MARS2: variants seen among roughly 807,000 people sequenced by gnomAD.
The protein encoded by MARS2 is methionyl-tRNA synthetase 2, mitochondrial, also known as methionine--tRNA ligase, mitochondrial.
MARS2 carries 33 observed loss-of-function variants against 43.8 expected under a neutral mutation model. The observed-to-expected ratio is 0.75, with a 90% confidence interval of 0.57 to 1.01. The LOEUF is 1.01. Among genes scored for constraint, MARS2 ranks in the 50% least tolerant of loss-of-function variants. The pLI is 0.00. For missense variants in MARS2, 720 were observed against 763.0 expected (o/e 0.94, Z 0.66); for synonymous variants, 351 against 325.5 (o/e 1.08, Z -0.84).
In MARS2 at chr2:197,705,561, C is replaced by T. The variant is rs1574775189; in HGVS notation, c.156C>T (p.Phe52=). ...GCGCCTACTTCACTACACCCATTTT[C>T]TACGTGAACGCGGCGCCGCACATCG... The part of the protein sequence containing the change: ...DVRAYFTTPI[F]YVNAAPHIGH... The change falls in exon 1 of 1, where the codon TTC becomes TTT. Residue 52 remains phenylalanine (F), a synonymous_variant. Coordinates refer to ENST00000282276, the MANE Select transcript of MARS2 (RefSeq NM_138395.4). 1 of 1,613,354 alleles carries T rather than the reference C, an allele frequency of 6.2e-7. No individual in the cohort carries two copies. The highest frequency in any genetic ancestry group is 8.5e-7 in the Non-Finnish European group (1 of 1,179,994).
rs1485677343 is a variant in MARS2, at chr2:197,707,939, T to G, written c.*752T>G. On this transcript the variant is annotated 3_prime_UTR_variant, in exon 1 of 1. Transcript: ENST00000282276. ...ATAAGGGATAGCTTTGCAACCACTATTGTTTTAATGGAAAGCAAAAAACCC... is the reference window on the plus strand; with the variant it reads ...ATAAGGGATAGCTTTGCAACCACTAGTGTTTTAATGGAAAGCAAAAAACCC... The G allele has an allele frequency of 6.0e-6, 1 of 167,202 alleles. No homozygotes were observed. Among genetic ancestry groups the G allele is most frequent in the Non-Finnish European group, 1.5e-5 (1 of 68,126 alleles). The allele number at this position is 167,202 out of a possible 1,614,324, so 10.4% of individuals were successfully genotyped here. A position where few individuals can be genotyped will look rare whatever the true frequency, so the allele number is the denominator to read the frequency against.
Position 197,706,467 on chromosome 2 carries a change from C to A in MARS2, c.1062C>A (p.Asn354Lys), listed in dbSNP as rs781540079. ...AAAAGATGTCCAAGAGCTTGGGCAACGTGGTGGATCCTAGGACTTGCCTTA... is the reference window on the plus strand; with the variant it reads ...AAAAGATGTCCAAGAGCTTGGGCAAAGTGGTGGATCCTAGGACTTGCCTTA... ...CGQKMSKSLG[N>K]VVDPRTCLNR... Residue 354 changes from asparagine (N) to lysine (K), a missense_variant, in exon 1 of 1, where the codon AAC (asparagine) becomes AAA (lysine). Asn to Lys is a moderately conservative substitution (Grantham distance 94). Transcript: ENST00000282276. The A allele has an allele frequency of 3.7e-6, 6 of 1,613,746 alleles. No homozygotes were observed. Among genetic ancestry groups the A allele is most frequent in the Non-Finnish European group, 5.1e-6 (6 of 1,180,038 alleles).
At position 197,705,855 on chromosome 2, in the gene MARS2, C is replaced by T. The variant is rs2089470206; in HGVS notation, c.450C>T (p.Phe150=). The T allele has an allele frequency of 1.2e-6, 2 of 1,613,970 alleles. No homozygotes were observed. Among genetic ancestry groups the T allele is most frequent in the Admixed American group, 1.7e-5 (1 of 60,024 alleles). The change falls in exon 1 of 1, where the codon TTC becomes TTT. Residue 150 remains phenylalanine, a synonymous_variant. Transcript: ENST00000282276. ...GGCACCGGGTGGCTGTGCAGCACTT[C>T]TGGGGGGTGCTTAAGTCCCGCGGTC... ...EARHRVAVQH[F]WGVLKSRGLL...
Position 197,706,973 on chromosome 2 carries a change from T to A in MARS2, c.1568T>A (p.Leu523Ter). 2 of 1,614,178 alleles carry A rather than the reference T, an allele frequency of 1.2e-6. No individual in the cohort carries two copies. Among genetic ancestry groups the A allele is most frequent in the Non-Finnish European group, 1.7e-6 (2 of 1,180,036 alleles). Residue 523 changes from leucine to a stop codon, truncating the protein, a stop_gained, in exon 1 of 1, where the codon TTG becomes TAG. Transcript: ENST00000282276. LOFTEE classifies it high-confidence loss of function. The part of the protein sequence containing the change: ...ALECLRVFGT[L>*]LQPVTPSLAD... Reference sequence around the variant, plus strand: ...GAATGTTTGCGAGTCTTTGGGACTTTGCTGCAGCCTGTCACCCCAAGCCTA... The same window carrying A: ...GAATGTTTGCGAGTCTTTGGGACTTAGCTGCAGCCTGTCACCCCAAGCCTA...
Position 197,707,107 on chromosome 2 carries a change from A to G in MARS2, c.1702A>G (p.Arg568Gly), listed in dbSNP as rs757187021. 8.7e-6 allele frequency: 14 copies of G among 1,613,976 alleles called. No homozygotes were observed. Among genetic ancestry groups the G allele is most frequent in the Non-Finnish European group, 1.2e-5 (14 of 1,180,014 alleles). Residue 568 changes from arginine to glycine, a missense_variant, in exon 1 of 1, where the codon AGG (arginine) becomes GGG (glycine). Arg to Gly is a moderately radical substitution (Grantham distance 125). Transcript: ENST00000282276. ...YGHPCPFEGR[R>G]LGPETGLLFP... is the part of the protein sequence containing the mutation. ...ACATCCATGCCCTTTTGAAGGGAGG[A>G]GGCTGGGACCTGAAACTGGGCTTTT...
At position 197,705,588 on chromosome 2, in the gene MARS2, G is replaced by A; in HGVS notation, c.183G>A (p.Gly61=). The change falls in exon 1 of 1, where the codon GGG becomes GGA. Residue 61 remains glycine (G), a synonymous_variant. Transcript: ENST00000282276. ...ACGTGAACGCGGCGCCGCACATCGG[G>A]CACCTGTACTCGGCACTACTGGCGG... ...IFYVNAAPHI[G]HLYSALLADA... 6.2e-7 allele frequency: 1 copy of A among 1,613,164 alleles called. No individual in the cohort carries two copies.
chr2:197,706,037 A>G lies in MARS2; in HGVS notation c.632A>G (p.Tyr211Cys). The G allele has an allele frequency of 6.2e-7, 1 of 1,614,150 alleles. No individual in the cohort carries two copies. Among genetic ancestry groups the G allele is most frequent in the Non-Finnish European group, 8.5e-7 (1 of 1,180,036 alleles). The change falls in exon 1 of 1, where the codon TAC becomes TGC. Residue 211 changes from tyrosine to cysteine, a missense_variant. Coordinates refer to ENST00000282276, the MANE Select transcript of MARS2 (RefSeq NM_138395.4). Reference protein sequence around the residue: ...HPVSWTKEENYIFRLSQFRKP... With the variant: ...HPVSWTKEENCIFRLSQFRKP... ...GTCTCCTGGACCAAGGAAGAAAACT[A>G]CATTTTCAGGCTTTCCCAGTTCCGG... is the stretch of plus-strand genomic sequence containing the variant.
chr2:197,705,497 C>T lies in MARS2; in HGVS notation c.92C>T (p.Ser31Leu), dbSNP rs1473279118. Reference protein sequence around the residue: ...LEDFGPRYYSSGSLSAGDDAC... With the variant: ...LEDFGPRYYSLGSLSAGDDAC... ...GACTTCGGCCCACGCTACTACAGTT[C>T]GGGCTCCCTCAGTGCCGGCGATGAT... is the stretch of plus-strand genomic sequence containing the variant. Residue 31 changes from serine to leucine, a missense_variant, in exon 1 of 1, where the codon TCG becomes TTG. Ser to Leu is a moderately radical substitution (Grantham distance 145). Coordinates refer to ENST00000282276, the MANE Select transcript of MARS2 (RefSeq NM_138395.4). 3 of 1,613,184 alleles carry T rather than the reference C, an allele frequency of 1.9e-6. No homozygotes were observed. The highest frequency in any genetic ancestry group is 2.2e-5 in the East Asian group (1 of 44,878).
rs1341523055 is a variant in MARS2 at position 197,705,560 on chromosome 2, T to C, written c.155T>C (p.Phe52Ser). The change falls in exon 1 of 1, where the codon TTC (phenylalanine) becomes TCC (serine). Residue 52 changes from phenylalanine to serine, a missense_variant. Transcript: ENST00000282276. ...DVRAYFTTPIFYVNAAPHIGH... is the reference protein window; with the variant it reads ...DVRAYFTTPISYVNAAPHIGH... ...CGCGCCTACTTCACTACACCCATTT[T>C]CTACGTGAACGCGGCGCCGCACATC... 2.5e-6 allele frequency: 4 copies of C among 1,613,228 alleles called. No individual in the cohort carries two copies. The highest frequency in any genetic ancestry group is 3.4e-6 in the Non-Finnish European group (4 of 1,180,000).
At position 197,706,125 on chromosome 2, in the gene MARS2, C is replaced by A. The variant is rs768722177; in HGVS notation, c.720C>A (p.His240Gln). Residue 240 changes from histidine (H) to glutamine (Q), a missense_variant, in exon 1 of 1, where the codon CAC (histidine) becomes CAA (glutamine). Transcript: ENST00000282276. Reference protein sequence around the residue: ...PQAITPEPFHHVVLQWLDEEL... With the variant: ...PQAITPEPFHQVVLQWLDEEL... ...CGATCACCCCCGAACCATTTCATCA[C>A]GTAGTTCTTCAGTGGCTGGACGAGG... 3 of 1,614,166 alleles carry A rather than the reference C, an allele frequency of 1.9e-6. No homozygotes were observed. Among genetic ancestry groups the A allele is most frequent in the South Asian group, 1.1e-5 (1 of 91,092 alleles).
Position 197,707,261 on chromosome 2 carries a change from A to T in MARS2, c.*74A>T. 7.4e-7 allele frequency: 1 copy of T among 1,352,980 alleles called. No individual in the cohort carries two copies. Among genetic ancestry groups the T allele is most frequent in the Middle Eastern group, 1.9e-4 (1 of 5,210 alleles). The allele number at this position is 1,352,980 out of a possible 1,614,324, so 83.8% of individuals were successfully genotyped here. A position where few individuals can be genotyped will look rare whatever the true frequency, so the allele number is the denominator to read the frequency against. On this transcript the variant is annotated 3_prime_UTR_variant, in exon 1 of 1. Coordinates refer to ENST00000282276, the MANE Select transcript of MARS2 (RefSeq NM_138395.4). ...TTTATTTTTTATTTTCAGGAAAGTT[A>T]TACTAGTATTTTCTTAAGTGTGGAA...
Position 197,705,593 on chromosome 2 carries a change from T to C in MARS2, c.188T>C (p.Leu63Pro). The C allele has an allele frequency of 6.2e-7, 1 of 1,613,150 alleles. No homozygotes were observed. Among genetic ancestry groups the C allele is most frequent in the Non-Finnish European group, 8.5e-7 (1 of 1,179,930 alleles). ...AACGCGGCGCCGCACATCGGGCACC[T>C]GTACTCGGCACTACTGGCGGACGCC... is the stretch of plus-strand genomic sequence containing the variant. Reference protein sequence around the residue: ...YVNAAPHIGHLYSALLADALC... With the variant: ...YVNAAPHIGHPYSALLADALC... The change falls in exon 1 of 1, where the codon CTG (leucine) becomes CCG (proline). Residue 63 changes from leucine (L) to proline (P), a missense_variant. By Grantham distance (98) the Leu-to-Pro change is moderately conservative (BLOSUM62 -3). Transcript: ENST00000282276.
rs375161020 is a variant in MARS2 at position 197,705,727 on chromosome 2, C to T, written c.322C>T (p.Leu108=). 1.4e-3 allele frequency: 2,293 copies of T among 1,611,954 alleles called. 45 individuals carry two copies. The South Asian group carries it at 0.024, about 17-fold the overall frequency. Residue 108 remains leucine (L), a synonymous_variant, in exon 1 of 1, where the codon CTG becomes TTG. Transcript: ENST00000282276. ...TCAGCAGGCAGCAGCTACCGCGGGC[C>T]TGGCCCCGACCGAGCTGTGCGACCG... ...KIQQAAATAG[L]APTELCDRVS...
At position 197,706,096 on chromosome 2, in the gene MARS2, C is replaced by G; in HGVS notation, c.691C>G (p.Gln231Glu). ...PLQRWLRGNP[Q>E]AITPEPFHHV... is the part of the protein sequence containing the mutation. ...CCAGCGGTGGCTGCGGGGCAACCCT[C>G]AGGCGATCACCCCCGAACCATTTCA... is the stretch of plus-strand genomic sequence containing the variant. The change falls in exon 1 of 1, where the codon CAG becomes GAG. Residue 231 changes from glutamine (Q) to glutamate (E), a missense_variant. Transcript: ENST00000282276. The G allele has an allele frequency of 6.2e-7, 1 of 1,614,190 alleles. No individual in the cohort carries two copies. The highest frequency in any genetic ancestry group is 8.5e-7 in the Non-Finnish European group (1 of 1,180,050).
chr2:197,707,406 T>C lies in MARS2; in HGVS notation c.*219T>C, dbSNP rs990668017. 7.4e-6 allele frequency: 4 copies of C among 539,652 alleles called. No individual in the cohort carries two copies. The Admixed American group carries it at 1.0e-4, about 14-fold the overall frequency. 33.4% of individuals were successfully genotyped at this position (539,652 alleles called of 1,614,324 possible). A position where few individuals can be genotyped will look rare whatever the true frequency, so the allele number is the denominator to read the frequency against. ...TCCTTTGTGCATTGTGTGTCTAAGA[T>C]GTCTTCAGGGGAAAGATGGGTAAGA... On this transcript the variant is annotated 3_prime_UTR_variant, in exon 1 of 1. Transcript: ENST00000282276.
At position 197,706,609 on chromosome 2, in the gene MARS2, G is replaced by T. The variant is rs574329415; in HGVS notation, c.1204G>T (p.Ala402Ser). 5 of 1,614,260 alleles carry T rather than the reference G, an allele frequency of 3.1e-6. No individual in the cohort carries two copies. The Admixed American group carries it at 8.3e-5, about 27-fold the overall frequency. ...GTTGCTGAACTCCGAGCTGGCAGAT[G>T]CCTTGGGAGGTCTCTTGAACCGATG... ...VKLLNSELAD[A>S]LGGLLNRCTA... Residue 402 changes from alanine to serine, a missense_variant, in exon 1 of 1, where the codon GCC (alanine) becomes TCC (serine). By Grantham distance (99) the Ala-to-Ser change is moderately conservative. Transcript: ENST00000282276.
At position 197,705,543 on chromosome 2, in the gene MARS2, C is replaced by T; in HGVS notation, c.138C>T (p.Tyr46=). The part of the protein sequence containing the change: ...AGDDACDVRA[Y]FTTPIFYVNA... ...ATGATGCTTGTGATGTGCGCGCCTA[C>T]TTCACTACACCCATTTTCTACGTGA... The change falls in exon 1 of 1, where the codon TAC becomes TAT. Residue 46 remains tyrosine, a synonymous_variant. Transcript: ENST00000282276. 1 of 1,613,312 alleles carries T rather than the reference C, an allele frequency of 6.2e-7. No homozygotes were observed. The highest frequency in any genetic ancestry group is 1.1e-5 in the South Asian group (1 of 91,090).
Position 197,706,430 on chromosome 2 carries a change from C to G in MARS2, c.1025C>G (p.Thr342Arg), listed in dbSNP as rs765130010. ...CGCATCTGTGTCCATTCCCACTGGA[C>G]AGTCTGTGGCCAAAAGATGTCCAAG... Reference protein sequence around the residue: ...PQRICVHSHWTVCGQKMSKSL... With the variant: ...PQRICVHSHWRVCGQKMSKSL... The change falls in exon 1 of 1, where the codon ACA (threonine) becomes AGA (arginine). Residue 342 changes from threonine (T) to arginine (R), a missense_variant. Physicochemically the swap from Thr to Arg is moderately conservative, Grantham distance 71 (BLOSUM62 -1). Coordinates refer to ENST00000282276, the MANE Select transcript of MARS2 (RefSeq NM_138395.4). The G allele has an allele frequency of 6.2e-7, 1 of 1,614,046 alleles. No homozygotes were observed. The highest frequency in any genetic ancestry group is 2.2e-5 in the East Asian group (1 of 44,884).
rs754121141 is a variant in MARS2, at chr2:197,705,580, C to T, written c.175C>T (p.His59Tyr). The change falls in exon 1 of 1, where the codon CAC becomes TAC. Residue 59 changes from histidine (H) to tyrosine (Y), a missense_variant. By Grantham distance (83) the His-to-Tyr change is moderately conservative. Transcript: ENST00000282276. ...TPIFYVNAAP[H>Y]IGHLYSALLA... is the part of the protein sequence containing the mutation. ...CATTTTCTACGTGAACGCGGCGCCG[C>T]ACATCGGGCACCTGTACTCGGCACT... The T allele has an allele frequency of 6.2e-6, 10 of 1,613,092 alleles. No individual in the cohort carries two copies. Among genetic ancestry groups the T allele is most frequent in the African/African-American group, 1.3e-5 (1 of 74,938 alleles).
Sources: gnomAD v4.1 joint callset for allele counts on GRCh38, gnomAD v4.1.1 for gene constraint, MANE v1.5 for transcripts, NCBI Gene and HGNC (gene_info 2026-07-23, HGNC 2026-07-21) for gene names.